LHFPL6: variants seen among roughly 807,000 people sequenced by gnomAD.
LHFPL6 encodes the protein LHFPL tetraspan subfamily member 6 protein.
In LHFPL6, 9 loss-of-function variants were observed where a neutral mutation model predicts 20.6. That is an observed-to-expected ratio of 0.44 (90% CI 0.26 to 0.76). LHFPL6 has a LOEUF of 0.76. Among genes scored for constraint, LHFPL6 ranks in the 30% least tolerant of loss-of-function variants. The pLI, the probability that LHFPL6 is intolerant of heterozygous loss-of-function variation, is 0.20. For synonymous variants in LHFPL6, 105 were observed against 98.7 expected (o/e 1.06, Z -0.38); for missense variants, 218 against 253.5 (o/e 0.86, Z 0.95).
intron 2 of LHFPL6, among the ~76,000 whole-genome samples, chr13:39,585,906 T>C (rs1229993428): frequency 2.6e-5 from 4 of 152,208 alleles, no homozygotes; most frequent in Non-Finnish European, 4.4e-5. Flanking sequence ...TTAATGGTTA[T>C]TGCAGGATGC....
At chr13:39,412,233 C>T (rs896100178) in intron 2 of LHFPL6, among the ~76,000 whole-genome samples, 4 of 152,166 alleles carry the variant, frequency 2.6e-5, no homozygotes, top group Non-Finnish European at 4.4e-5. Flanking sequence ...TATGACCAGA[C>T]TGATTTAGAA....
At chr13:39,435,283 G>C (rs972988989) in intron 2 of LHFPL6, among the ~76,000 whole-genome samples, 3 of 152,006 alleles carry the variant, frequency 2.0e-5, no homozygotes, top group Admixed American at 6.6e-5. Context: ...GTCCAGACTT[G>C]AGCATTGGGC....
intron 2 of LHFPL6, among the ~76,000 whole-genome samples, chr13:39,520,611 C>T (rs1870078095): frequency 6.6e-6 from 1 of 152,192 alleles, no homozygotes; most frequent in East Asian, 1.9e-4. Context: ...GTTATCAGAA[C>T]TGTGGTCAAA....
intron 2 of LHFPL6, among the ~76,000 whole-genome samples, chr13:39,478,133 C>T (rs73462853): frequency 2.2e-3 from 337 of 152,290 alleles, no homozygotes; most frequent in African/African-American, 7.9e-3. Context: ...CTGTGTGCAG[C>T]ACTGTTCTAG....
intron 2 of LHFPL6, among the ~76,000 whole-genome samples, chr13:39,425,868 C>T (rs1227564835): frequency 6.6e-6 from 1 of 152,142 alleles, no homozygotes; most frequent in Admixed American, 6.5e-5. Context: ...CACTATGCTG[C>T]CCAGGCTGGT....
chr13:39,541,959 C>T lies in LHFPL6; in HGVS notation c.385+58873G>A, dbSNP rs1044711751. Reference sequence around the variant, plus strand: ...AAAAAAAATTAGCCAGGCATGGTGGCAGGCACCTGTAGCCCCAGCTACTCG... The same window carrying T: ...AAAAAAAATTAGCCAGGCATGGTGGTAGGCACCTGTAGCCCCAGCTACTCG... On this transcript the variant is annotated intron_variant, in intron 2 of 3. Coordinates refer to ENST00000379589, the MANE Select transcript of LHFPL6 (RefSeq NM_005780.3). Among the ~76,000 whole-genome samples, 2 of 151,864 alleles carry T rather than the reference C, an allele frequency of 1.3e-5. 1 individual carries two copies. Among genetic ancestry groups the T allele is most frequent in the Admixed American group, 1.3e-4 (2 of 15,248 alleles).
intron 2 of LHFPL6, among the ~76,000 whole-genome samples, chr13:39,596,564 C>T (rs1872776608): frequency 6.6e-6 from 1 of 152,024 alleles, no homozygotes; most frequent in Admixed American, 6.6e-5. Context: ...TGGCTAAAAA[C>T]TCAAGACAAC....
chr13:39,601,276 T>C lies in LHFPL6; in HGVS notation c.-60A>G. ...AGTGTTCAGGGACTGCAGGAGTGAA[T>C]GAAGGTGTGAAATCACCAGGGACCC... is the stretch of plus-strand genomic sequence containing the variant. On this transcript the variant is annotated 5_prime_UTR_variant, in exon 2 of 4. Transcript: ENST00000379589. The C allele has an allele frequency of 2.7e-6, 4 of 1,507,312 alleles. No individual in the cohort carries two copies. Among genetic ancestry groups the C allele is most frequent in the Non-Finnish European group, 2.7e-6 (3 of 1,121,088 alleles). 93.4% of individuals were successfully genotyped at this position (1,507,312 alleles called of 1,614,324 possible).
Position 39,360,572 on chromosome 13 carries a change from T to C in LHFPL6, c.485-16518A>G, listed in dbSNP as rs74354370. ...AAGGAGATATGTTAGGGGTGAATTT[T>C]GATGGGAAAATATATATCAGCCTTG... On this transcript the variant is annotated intron_variant, in intron 3 of 3. Coordinates refer to ENST00000379589, the MANE Select transcript of LHFPL6 (RefSeq NM_005780.3). Among the ~76,000 whole-genome samples, 140 of 96,428 alleles carry C rather than the reference T, an allele frequency of 1.5e-3. 31 individuals carry two copies. Among genetic ancestry groups the C allele is most frequent in the African/African-American group, 4.2e-3 (138 of 32,972 alleles). 63.3% of individuals were successfully genotyped at this position (96,428 alleles called of 152,430 possible).
chr13:39,388,319 T>A (rs1006031545), intron 2 of LHFPL6, among the ~76,000 whole-genome samples: 3 of 152,218 alleles, frequency 2.0e-5, no homozygotes, highest in African/African-American at 7.2e-5. Context: ...CCAAAATACT[T>A]GCTCCTTAGC....
In LHFPL6 at chr13:39,459,099, C is replaced by T. The variant is rs572600098; in HGVS notation, c.386-80573G>A. On this transcript the variant is annotated intron_variant, in intron 2 of 3. Transcript: ENST00000379589. ...TCAAAATGCCCATGAAATGACTTCC[C>T]ACTATGAAGCACAGGGACAAGAGGG... 2.8e-4 allele frequency among the ~76,000 whole-genome samples: 43 copies of T among 151,946 alleles called. No homozygotes were observed. In the South Asian group the frequency reaches 8.9e-3, roughly 32 times the overall value.
intron 2 of LHFPL6, among the ~76,000 whole-genome samples, chr13:39,540,181 A>C (rs909618120): frequency 1.3e-5 from 2 of 152,206 alleles, no homozygotes; most frequent in East Asian, 1.9e-4. Context: ...CAGTTGAAAT[A>C]GAATATAAAG....
chr13:39,562,433 T>TATACATATACAC (rs1566142015), intron 2 of LHFPL6, among the ~76,000 whole-genome samples: 2 of 86,276 alleles, frequency 2.3e-5, no homozygotes, highest in Non-Finnish European at 5.7e-5. Context: ...CATATATACA[T>TATACATATACAC]ATATACATAT....
At chr13:39,346,828 T>A (rs9285130) in intron 3 of LHFPL6, among the ~76,000 whole-genome samples, 2 of 152,050 alleles carry the variant, frequency 1.3e-5, no homozygotes, top group East Asian at 3.9e-4. Context: ...AGTTCAAGAC[T>A]GGCCTTGCCA....
intron 2 of LHFPL6, among the ~76,000 whole-genome samples, chr13:39,591,462 C>T (rs577646195): frequency 6.6e-6 from 1 of 152,292 alleles, no homozygotes; most frequent in East Asian, 1.9e-4. Context: ...ACAATAAATG[C>T]ATCTGTTCCT....
chr13:39,520,578 C>T (rs888789903), intron 2 of LHFPL6, among the ~76,000 whole-genome samples: 1 of 152,160 alleles, frequency 6.6e-6, no homozygotes, highest in Non-Finnish European at 1.5e-5. Flanking sequence ...GAATTGGCCA[C>T]AGGAAAAGAA....
At position 39,345,512 on chromosome 13, in the gene LHFPL6, CAAAAAA is replaced by C. The variant is rs71077225; in HGVS notation, c.485-1464_485-1459del. 2.7e-3 allele frequency among the ~76,000 whole-genome samples: 117 copies of C among 43,454 alleles called. 2 individuals are homozygous for C. In the South Asian group the frequency reaches 0.031, roughly 12 times the overall value. 28.5% of individuals were successfully genotyped at this position (43,454 alleles called of 152,430 possible). A position where few individuals can be genotyped will look rare whatever the true frequency, so the allele number is the denominator to read the frequency against. ...TGGGTCAGGGAGCGAGACTCCATCT[CAAAAAA>C]AAAAAAAAAAAAAAAAAAAAAAGAA... On this transcript the variant is annotated intron_variant, in intron 3 of 3. Transcript: ENST00000379589.
chr13:39,374,171 AC>A lies in LHFPL6; in HGVS notation c.484+4256del, dbSNP rs1239156594. On this transcript the variant is annotated intron_variant, in intron 3 of 3. Coordinates refer to ENST00000379589, the MANE Select transcript of LHFPL6 (RefSeq NM_005780.3). ...TTGGATAAAGAAAATGTAGTATTCC[AC>A]ACCATGGAATACTACACAGCCATAA... Among the ~76,000 whole-genome samples, 3 of 152,316 alleles carry A rather than the reference AC, an allele frequency of 2.0e-5. No individual in the cohort carries two copies. The East Asian group carries it at 5.8e-4, about 29-fold the overall frequency.
At chr13:39,562,657 TACACATATATAC>T (rs1185965578) in intron 2 of LHFPL6, among the ~76,000 whole-genome samples, 5 of 135,534 alleles carry the variant, frequency 3.7e-5, no homozygotes, top group South Asian at 2.4e-4. Flanking sequence ...TACACACATA[TACACATATATAC>T]ACACATATAT....
Sources: gnomAD v4.1 joint callset for allele counts (sites outside exome capture counted in the v4.1 genomes callset) on GRCh38, gnomAD v4.1.1 for gene constraint, MANE v1.5 for transcripts, NCBI Gene and HGNC (gene_info 2026-07-23, HGNC 2026-07-21) for gene names.